The following RP1 variants were observed in gnomAD, a reference collection of about 807,000 sequenced individuals.
RP1 encodes oxygen-regulated protein 1.
A neutral mutation model predicts 14.8 loss-of-function variants in RP1; 16 were observed. The ratio of observed to expected loss-of-function variants is 1.08; its 90% CI spans 0.73 to 1.65. The LOEUF (loss-of-function observed/expected upper bound fraction) is 1.65. Among genes scored for constraint, RP1 ranks in the 40% most tolerant of loss-of-function variants. The pLI, the probability that RP1 is intolerant of heterozygous loss-of-function variation, is 0.00. For missense variants in RP1, 2,631 were observed against 2,535.0 expected, an observed-to-expected ratio of 1.04 and a Z score of -0.81; for synonymous variants, 876 against 883.6, an observed-to-expected ratio of 0.99 and a Z score of 0.15.
At chr8:54,717,712 C>T (rs1808438822) in intron 15 of RP1, among the ~76,000 whole-genome samples, 1 of 152,028 alleles carries the variant, frequency 6.6e-6, no homozygotes, top group Admixed American at 6.6e-5. Flanking sequence ...TCTCTCACCA[C>T]TCCAATATTA....
At chr8:54,644,525 C>T (rs562207214) in intron 3 of RP1, among the ~76,000 whole-genome samples, 2 of 152,154 alleles carry the variant, frequency 1.3e-5, no homozygotes, top group Admixed American at 1.3e-4. Context: ...TTGGTAACTC[C>T]GTCTCTATTT....
chr8:54,656,692 T>G (rs1806761472), intron 6 of RP1, among the ~76,000 whole-genome samples: 1 of 151,242 alleles, frequency 6.6e-6, no homozygotes, highest in African/African-American at 2.4e-5. Context: ...GATAATAGGC[T>G]CTTGTTCTAC....
Position 54,626,469 on chromosome 8 carries a change from C to T in RP1, c.2587C>T (p.His863Tyr), listed in dbSNP as rs1806053633. 6.2e-7 allele frequency: 1 copy of T among 1,613,672 alleles called. No individual in the cohort carries two copies. Among genetic ancestry groups the T allele is most frequent in the African/African-American group, 1.3e-5 (1 of 74,976 alleles). ...TTTAGTTTCAAAAGTTACTGATTCACACATAACTTTAAAAAGCCAGAAAAA... is the reference window on the plus strand; with the variant it reads ...TTTAGTTTCAAAAGTTACTGATTCATACATAACTTTAAAAAGCCAGAAAAA... ...KSLVSKVTDSHITLKSQKKRK... is the reference protein window; with the variant it reads ...KSLVSKVTDSYITLKSQKKRK... Residue 863 changes from histidine to tyrosine, a missense_variant, in exon 4 of 4, where the codon CAC becomes TAC. Physicochemically the swap from His to Tyr is moderately conservative, Grantham distance 83. Transcript: ENST00000220676.
chr8:54,668,283 A>G (rs1032360715), intron 7 of RP1, among the ~76,000 whole-genome samples: 1 of 152,310 alleles, frequency 6.6e-6, no homozygotes. Flanking sequence ...CAATTGCTAC[A>G]AAGAGAATAA....
chr8:54,856,523 C>T (rs1222757104), intron 26 of RP1, among the ~76,000 whole-genome samples: 4 of 151,972 alleles, frequency 2.6e-5, no homozygotes, highest in Admixed American at 6.6e-5. Context: ...TGGAAAACAC[C>T]AATTCTGGTG....
intron 12 of RP1, among the ~76,000 whole-genome samples, chr8:54,698,500 C>G (rs1406723005): frequency 6.6e-6 from 1 of 152,150 alleles, no homozygotes; most frequent in East Asian, 1.9e-4. Flanking sequence ...GGATCTAGAA[C>G]TAGAAATACC....
chr8:54,732,050 C>T (rs865940042), intron 17 of RP1, among the ~76,000 whole-genome samples: 17 of 152,188 alleles, frequency 1.1e-4, no homozygotes, highest in African/African-American at 2.4e-4. Context: ...GTGCCTTCCA[C>T]GATCCTCACA....
At chr8:54,582,385 A>G (rs983993830) in intron 1 of RP1, among the ~76,000 whole-genome samples, 103 of 152,128 alleles carry the variant, frequency 6.8e-4, no homozygotes, top group Non-Finnish European at 5.7e-4. Context: ...TACCAGTACC[A>G]TGCTGTTTTG....
chr8:54,867,092 C>T (rs982633350), intron 28 of RP1, among the ~76,000 whole-genome samples: 4 of 152,254 alleles, frequency 2.6e-5, no homozygotes, highest in South Asian at 2.1e-4. Context: ...AGCTGGAGAG[C>T]TGAGTGTGCT....
At chr8:54,852,495 T>C in intron 25 of RP1, 1 of 1,028,780 alleles carries the variant, frequency 9.7e-7, no homozygotes, top group Non-Finnish European at 1.2e-6. Context: ...AACATTCTGA[T>C]TTCCTTGCAG....
In RP1 at chr8:54,674,708, A is replaced by G. The variant is rs567378522; in HGVS notation, c.1402+780A>G. Among the ~76,000 whole-genome samples, 7 of 150,308 alleles carry G rather than the reference A, an allele frequency of 4.7e-5. No individual in the cohort carries two copies. The East Asian group carries it at 1.4e-3, about 29-fold the overall frequency. On this transcript the variant is annotated intron_variant, in intron 8 of 22. Transcript: ENST00000636932. Reference sequence around the variant, plus strand: ...GGTTGAAAGGAGGTTACAAGAAACTAAAAAATATATACTTATAATCCATGA... The same window carrying G: ...GGTTGAAAGGAGGTTACAAGAAACTGAAAAATATATACTTATAATCCATGA...
intron 19 of RP1, among the ~76,000 whole-genome samples, chr8:54,748,319 G>A (rs1482507484): frequency 2.0e-5 from 3 of 152,176 alleles, no homozygotes; most frequent in Non-Finnish European, 4.4e-5. Flanking sequence ...TGTTTTTGAA[G>A]ATTTTCTAGT....
intron 6 of RP1, among the ~76,000 whole-genome samples, chr8:54,659,435 TA>T (rs1197937830): frequency 6.6e-6 from 1 of 152,224 alleles, no homozygotes; most frequent in Non-Finnish European, 1.5e-5. Flanking sequence ...TTTATTTATT[TA>T]TTTTTTTGCA....
At chr8:54,621,979 C>G (rs930047324) in intron 2 of RP1, 138 bp from the exon 3 acceptor site, 1 of 875,930 alleles carries the variant, frequency 1.1e-6, no homozygotes, top group African/African-American at 1.7e-5. Context: ...TTGTATACAC[C>G]ATTGGTGCCT....
intron 22 of RP1, among the ~76,000 whole-genome samples, chr8:54,762,489 A>G (rs889165631): frequency 6.6e-6 from 1 of 152,154 alleles, no homozygotes; most frequent in Non-Finnish European, 1.5e-5. Flanking sequence ...TGTCTTTTGT[A>G]CATTTAATAT....
At chr8:54,685,124 G>C (rs990509182) in intron 12 of RP1, among the ~76,000 whole-genome samples, 1 of 152,068 alleles carries the variant, frequency 6.6e-6, no homozygotes, top group East Asian at 1.9e-4. Context: ...TGGATTTGTT[G>C]ATTTTTTGAA....
chr8:54,779,950 A>C (rs1454601730), intron 23 of RP1, among the ~76,000 whole-genome samples: 2 of 152,214 alleles, frequency 1.3e-5, no homozygotes, highest in Non-Finnish European at 2.9e-5. Context: ...AGTGGCTGAA[A>C]ACAATAATTT....
At position 54,628,790 on chromosome 8, in the gene RP1, C is replaced by A. The variant is rs200942439; in HGVS notation, c.4908C>A (p.Tyr1636Ter). 6.2e-7 allele frequency: 1 copy of A among 1,614,010 alleles called. No homozygotes were observed. The part of the protein sequence containing the change: ...GFVKRAIEKL[Y>*]GKADIIKPSF... ...TTAAAAGGGCAATAGAAAAACTGTA[C>A]GGTAAAGCAGATATTATCAAACCAT... Residue 1636 changes from tyrosine (Y) to a stop codon, truncating the protein, a stop_gained, in exon 4 of 4, where the codon TAC (tyrosine) becomes TAA (stop). Coordinates refer to ENST00000220676, the MANE Select transcript of RP1 (RefSeq NM_006269.2). LOFTEE classifies it low-confidence loss of function (END_TRUNC).
At chr8:54,730,184 C>G (rs1047309630) in intron 17 of RP1, among the ~76,000 whole-genome samples, 18 of 151,894 alleles carry the variant, frequency 1.2e-4, no homozygotes, top group African/African-American at 4.1e-4. Flanking sequence ...AAAAACTACC[C>G]ATAAATTCTT....
Sources: gnomAD v4.1 joint callset for allele counts (sites outside exome capture counted in the v4.1 genomes callset) on GRCh38, gnomAD v4.1.1 for gene constraint, MANE v1.5 for transcripts, NCBI Gene and HGNC (gene_info 2026-07-23, HGNC 2026-07-21) for gene names.